RALGAPA1: variants seen among roughly 807,000 people sequenced by gnomAD.
RALGAPA1 encodes ral GTPase-activating protein subunit alpha-1.
In RALGAPA1, 52 loss-of-function variants were observed where a neutral mutation model predicts 269.6. The ratio of observed to expected loss-of-function variants is 0.19; its 90% confidence interval spans 0.15 to 0.24. The LOEUF is 0.24. Ranked by LOEUF, RALGAPA1 falls within the 10% of genes least tolerant of loss-of-function variation. The probability of loss-of-function intolerance (pLI) is 1.00; values close to 1 mark genes in which losing one functional copy is unlikely to be tolerated. For synonymous variants in RALGAPA1, 817 were observed against 1,008.3 expected, an observed-to-expected ratio of 0.81 and a Z score of 3.60; for missense variants, 1,917 against 3,013.9, an observed-to-expected ratio of 0.64 and a Z score of 8.52.
chr14:35,737,759 C>CAAAAAAAAAAAAAAAAAAAAAAAAA (rs60152249), intron 12 of RALGAPA1, among the ~76,000 whole-genome samples: 1 of 17,420 alleles, frequency 5.7e-5, no homozygotes, highest in Non-Finnish European at 9.3e-5. Context: ...AAATCCATCT[C>CAAAAAAAAAAAAAAAAAAAAAAAAA]AAAAAAAAAA....
At chr14:35,660,301 T>C (rs997033797) in intron 27 of RALGAPA1, among the ~76,000 whole-genome samples, 2 of 151,952 alleles carry the variant, frequency 1.3e-5, no homozygotes, top group Non-Finnish European at 2.9e-5. Flanking sequence ...ACTAATAAAG[T>C]CAGTAGAGTA....
intron 1 of RALGAPA1, among the ~76,000 whole-genome samples, chr14:35,799,273 T>G (rs561673172): frequency 2.0e-5 from 3 of 151,860 alleles, no homozygotes; most frequent in Admixed American, 2.0e-4. Flanking sequence ...TAAAGATGTA[T>G]ACTATAGGCT....
chr14:35,715,133 C>T (rs1440576826), intron 16 of RALGAPA1, among the ~76,000 whole-genome samples: 2 of 152,124 alleles, frequency 1.3e-5, no homozygotes, highest in African/African-American at 4.8e-5. Context: ...AATAAATTCT[C>T]TGTCATTCTT....
rs549649231 is a variant in RALGAPA1 at position 35,782,017 on chromosome 14, G to A, written c.107-6272C>T. On this transcript the variant is annotated intron_variant, in intron 1 of 41. Transcript: ENST00000680220. ...AAAAGAAATAAAAGCCACACACATT[G>A]TAAAGTCCAAAGCATTACTATCTCT... 1.6e-4 allele frequency among the ~76,000 whole-genome samples: 24 copies of A among 152,188 alleles called. No homozygotes were observed. The South Asian group carries it at 5.0e-3, about 32-fold the overall frequency.
chr14:35,808,918 G>A lies in RALGAPA1; in HGVS notation c.-83C>T. On this transcript the variant is annotated 5_prime_UTR_variant, in exon 1 of 42. Transcript: ENST00000680220. ...GGCAGAAAGTGGAGGGAGTGGACGG[G>A]GAGGAGACTAGCCAGAGAGGCTCAT... 1 of 1,537,896 alleles carries A rather than the reference G, an allele frequency of 6.5e-7. No homozygotes were observed. Among genetic ancestry groups the A allele is most frequent in the African/African-American group, 1.4e-5 (1 of 73,128 alleles).
At chr14:35,624,141 C>T (rs142839204) in intron 35 of RALGAPA1, among the ~76,000 whole-genome samples, 476 of 41,812 alleles carry the variant, frequency 0.011, 3 homozygotes, top group African/African-American at 0.045. Context: ...GAAATGCTCA[C>T]AATATAATAC....
At chr14:35,628,534 C>T (rs945479437) in intron 33 of RALGAPA1, among the ~76,000 whole-genome samples, 10 of 152,152 alleles carry the variant, frequency 6.6e-5, no homozygotes, top group African/African-American at 1.4e-4. Flanking sequence ...TGATAAGTTT[C>T]TTATCTCCAT....
intron 36 of RALGAPA1, among the ~76,000 whole-genome samples, chr14:35,596,226 G>A (rs143413090): frequency 1.2e-4 from 18 of 152,098 alleles, no homozygotes; most frequent in African/African-American, 4.1e-4. Flanking sequence ...ACTTATTACA[G>A]TCCACAACAA....
intron 39 of RALGAPA1, among the ~76,000 whole-genome samples, chr14:35,563,888 T>C (rs2139346264): frequency 6.6e-6 from 1 of 152,182 alleles, no homozygotes; most frequent in African/African-American, 2.4e-5. Context: ...CTCGGCTCAG[T>C]GCAACCTCTG....
intron 6 of RALGAPA1, among the ~76,000 whole-genome samples, chr14:35,758,904 A>C (rs1319481490): frequency 1.3e-5 from 2 of 152,164 alleles, no homozygotes; most frequent in African/African-American, 4.8e-5. Flanking sequence ...GCTTGACTTT[A>C]GGAGTTTAAG....
chr14:35,636,131 G>C (rs1445604102), intron 31 of RALGAPA1, among the ~76,000 whole-genome samples: 1 of 151,614 alleles, frequency 6.6e-6, no homozygotes, highest in Non-Finnish European at 1.5e-5. Context: ...GGCTGGCCTT[G>C]AACTCTTGGG....
intron 1 of RALGAPA1, among the ~76,000 whole-genome samples, chr14:35,797,029 C>T (rs906806572): frequency 8.6e-5 from 13 of 152,008 alleles, no homozygotes; most frequent in African/African-American, 2.7e-4. Flanking sequence ...CCTCGTGATC[C>T]GCCCACCTCA....
chr14:35,788,009 T>C (rs2075911516), intron 1 of RALGAPA1, among the ~76,000 whole-genome samples: 9 of 152,218 alleles, frequency 5.9e-5, no homozygotes, highest in Admixed American at 5.9e-4. Flanking sequence ...TCTCACACTG[T>C]TGCCCAGGCT....
intron 31 of RALGAPA1, among the ~76,000 whole-genome samples, chr14:35,638,418 TATAAG>T (rs1266068677): frequency 3.3e-5 from 5 of 152,114 alleles, no homozygotes; most frequent in African/African-American, 1.2e-4. Flanking sequence ...AATAATGGGT[TATAAG>T]ATATTACTTG....
intron 1 of RALGAPA1, among the ~76,000 whole-genome samples, chr14:35,779,109 T>G (rs1029194613): frequency 6.6e-6 from 1 of 152,134 alleles, no homozygotes; most frequent in African/African-American, 2.4e-5. Flanking sequence ...AGAATAATAG[T>G]CATCAAATAC....
intron 16 of RALGAPA1, among the ~76,000 whole-genome samples, chr14:35,702,715 TAAAAA>T (rs1555409652): frequency 8.8e-6 from 1 of 114,092 alleles, no homozygotes; most frequent in Non-Finnish European, 2.0e-5. Context: ...CACCTTTAAT[TAAAAA>T]AAAAAAATAT....
At chr14:35,623,554 A>T (rs2060786934) in intron 35 of RALGAPA1, among the ~76,000 whole-genome samples, 1 of 152,194 alleles carries the variant, frequency 6.6e-6, no homozygotes. Context: ...ATAAAGGTTA[A>T]AAAAGGGTGA....
At chr14:35,797,849 A>C (rs1300367845) in intron 1 of RALGAPA1, among the ~76,000 whole-genome samples, 1 of 151,410 alleles carries the variant, frequency 6.6e-6, no homozygotes, top group African/African-American at 2.4e-5. Context: ...ATCTCAAAAA[A>C]AAAAAAAAAT....
intron 1 of RALGAPA1, among the ~76,000 whole-genome samples, chr14:35,799,642 A>G (rs745999506): frequency 6.6e-6 from 1 of 152,156 alleles, no homozygotes; most frequent in Non-Finnish European, 1.5e-5. Context: ...GAAAATAATC[A>G]TAAAATTTAC....
Sources: gnomAD v4.1 joint callset for allele counts (sites outside exome capture counted in the v4.1 genomes callset) on GRCh38, gnomAD v4.1.1 for gene constraint, MANE v1.5 for transcripts, NCBI Gene and HGNC (gene_info 2026-07-23, HGNC 2026-07-21) for gene names.